The following NUP205 variants were observed in gnomAD, a reference collection of about 807,000 sequenced individuals.
NUP205 encodes the protein nucleoporin 205.
Under a neutral mutation model 253.8 loss-of-function variants are expected in NUP205, and 76 were observed. That is an observed-to-expected ratio of 0.30 (90% CI 0.25 to 0.36). The LOEUF (loss-of-function observed/expected upper bound fraction) is 0.36. NUP205 is among the 10% of genes least tolerant of loss of function. The pLI is 1.00. For missense variants in NUP205, 2,162 were observed against 2,425.5 expected (o/e 0.89, Z 2.28); for synonymous variants, 832 against 850.1 (o/e 0.98, Z 0.37).
At chr7:135,579,825 T>C (rs1408631115) in intron 7 of NUP205, among the ~76,000 whole-genome samples, 1 of 152,118 alleles carries the variant, frequency 6.6e-6, no homozygotes, top group East Asian at 1.9e-4. Context: ...TTTGTATTTT[T>C]AGTAGAAACA....
intron 35 of NUP205, 113 bp downstream of exon 35, chr7:135,630,583 A>G: frequency 1.2e-6 from 1 of 839,432 alleles, no homozygotes; most frequent in Non-Finnish European, 1.7e-6. Flanking sequence ...TGAAATTGGT[A>G]CTGCTAACAG....
At chr7:135,559,398 C>G (rs1805517902) in intron 1 of NUP205, among the ~76,000 whole-genome samples, 1 of 152,172 alleles carries the variant, frequency 6.6e-6, no homozygotes, top group Non-Finnish European at 1.5e-5. Flanking sequence ...GAGTCTTGCT[C>G]TGTCTCCCAG....
At position 135,648,550 on chromosome 7, in the gene NUP205, G is replaced by C; in HGVS notation, c.6033G>C (p.Arg2011Ser). ...RRIRGLLRISRN is the reference protein window; with the variant it reads ...RRIRGLLRISSN Reference sequence around the variant, plus strand: ...TCCGTGGCCTCTTGAGGATATCAAGGAACTGAGAGCCCGTGCTTATGCTCT... The same window carrying C: ...TCCGTGGCCTCTTGAGGATATCAAGCAACTGAGAGCCCGTGCTTATGCTCT... The change falls in exon 43 of 43, where the codon AGG becomes AGC. Residue 2011 changes from arginine (R) to serine (S), a missense_variant. Arg to Ser is a moderately radical substitution (Grantham distance 110, BLOSUM62 -1). Around this residue, in one of 5 missense-constraint regions of NUP205, gnomAD observed 1,144 missense variants for 1,280.9 expected, o/e 0.89. Transcript: ENST00000285968. 1 of 1,553,982 alleles carries C rather than the reference G, an allele frequency of 6.4e-7. No homozygotes were observed. Among genetic ancestry groups the C allele is most frequent in the South Asian group, 1.2e-5 (1 of 80,500 alleles).
At chr7:135,623,124 A>G (rs1233325256) in intron 31 of NUP205, among the ~76,000 whole-genome samples, 199 bp downstream of exon 31, 1 of 151,946 alleles carries the variant, frequency 6.6e-6, no homozygotes, top group Non-Finnish European at 1.5e-5. Flanking sequence ...CAAAAAATAC[A>G]AAAAATTAGC....
intron 2 of NUP205, among the ~76,000 whole-genome samples, chr7:135,572,946 TTTTTTTTTTTC>T (rs1203867101): frequency 2.6e-5 from 4 of 150,944 alleles, no homozygotes; most frequent in Non-Finnish European, 5.9e-5. Context: ...TTTTAGCTTT[TTTTTTTTTTTC>T]TTTTTTTTTC....
chr7:135,567,070 A>C (rs986121156), intron 1 of NUP205, among the ~76,000 whole-genome samples: 3 of 136,352 alleles, frequency 2.2e-5, no homozygotes, highest in Non-Finnish European at 4.6e-5. Flanking sequence ...TGTCAGTCTT[A>C]TCAATTTGTA....
chr7:135,577,906 G>A lies in NUP205; in HGVS notation c.759G>A (p.Leu253=), dbSNP rs1806194234. The A allele has an allele frequency of 6.2e-7, 1 of 1,614,056 alleles. No individual in the cohort carries two copies. Among genetic ancestry groups the A allele is most frequent in the Non-Finnish European group, 8.5e-7 (1 of 1,179,966 alleles). Residue 253 remains leucine, a synonymous_variant, in exon 6 of 43, where the codon TTG becomes TTA. Transcript: ENST00000285968. ...KEDTLLLIGH[L]ERVTVEANGS... is the part of the protein sequence containing the mutation. ...ACACTCTCCTCCTCATTGGACATTT[G>A]GAAAGAGTGACAGTTGAGGCTAATG... is the stretch of plus-strand genomic sequence containing the variant.
At chr7:135,566,818 A>T (rs1245089937) in intron 1 of NUP205, among the ~76,000 whole-genome samples, 1 of 151,774 alleles carries the variant, frequency 6.6e-6, no homozygotes, top group Non-Finnish European at 1.5e-5. Context: ...GCTCACTGCA[A>T]CCTCTGCCTC....
In NUP205 at chr7:135,601,479, G is replaced by A. The variant is rs963731749; in HGVS notation, c.2484G>A (p.Lys828=). ...TCAGTTTACTGGAAGAAGGAGTTAA[G>A]CAGCTTGACACCTATGCCCCCTTTC... The part of the protein sequence containing the change: ...LALSLLEEGV[K]QLDTYAPFPG... Residue 828 remains lysine, a synonymous_variant, in exon 17 of 43, where the codon AAG becomes AAA. Transcript: ENST00000285968. 1.7e-5 allele frequency: 28 copies of A among 1,613,856 alleles called. No homozygotes were observed. Among genetic ancestry groups the A allele is most frequent in the Non-Finnish European group, 2.1e-5 (25 of 1,179,854 alleles).
chr7:135,640,427 T>A (rs1794897640), intron 38 of NUP205, among the ~76,000 whole-genome samples: 1 of 152,186 alleles, frequency 6.6e-6, no homozygotes, highest in Admixed American at 6.5e-5. Flanking sequence ...TAAAGTTGGG[T>A]AACCATCACC....
At chr7:135,606,364 A>G (rs985994300) in intron 20 of NUP205, 138 bp downstream of exon 20, 1 of 646,208 alleles carries the variant, frequency 1.5e-6, no homozygotes, top group African/African-American at 1.8e-5. Flanking sequence ...ACAGGTTGAG[A>G]ATGCAAAATC....
rs772080661 is a variant in NUP205, at chr7:135,617,099, A to G, written c.3542A>G (p.Lys1181Arg). 7.5e-6 allele frequency: 12 copies of G among 1,606,428 alleles called. No homozygotes were observed. The East Asian group carries it at 2.7e-4, about 36-fold the overall frequency. Reference sequence around the variant, plus strand: ...TTTTTATTATTTCTAGTACGTCGAAAAATTCTAAATATTCTTGACTCGATT... The same window carrying G: ...TTTTTATTATTTCTAGTACGTCGAAGAATTCTAAATATTCTTGACTCGATT... ...HFDTATKVRR[K>R]ILNILDSIDF... is the part of the protein sequence containing the mutation. The change falls in exon 26 of 43, where the codon AAA becomes AGA. Residue 1181 changes from lysine (K) to arginine (R), a missense_variant. By Grantham distance (26) the Lys-to-Arg change is conservative. Transcript: ENST00000285968.
chr7:135,604,514 T>C (rs899436895), intron 19 of NUP205, 54 bp downstream of exon 19: 2 of 1,521,434 alleles, frequency 1.3e-6, no homozygotes, highest in African/African-American at 2.8e-5. Context: ...ATTTTGACTA[T>C]ATATGGAAGT....
Position 135,561,736 on chromosome 7 carries a change from C to T in NUP205, c.28+3764C>T, listed in dbSNP as rs2129489418. ...TGTAAATCCCACCCATTGTGTTCTT[C>T]ACCTGTTACCCCTTTTTTTGTCTTG... On this transcript the variant is annotated intron_variant, in intron 1 of 42. Coordinates refer to ENST00000285968, the MANE Select transcript of NUP205 (RefSeq NM_015135.3). Among the ~76,000 whole-genome samples the T allele has an allele frequency of 1.3e-5, 2 of 152,284 alleles. 1 individual carries two copies. Among genetic ancestry groups the T allele is most frequent in the African/African-American group, 4.8e-5 (2 of 41,572 alleles).
intron 22 of NUP205, among the ~76,000 whole-genome samples, chr7:135,612,175 A>G (rs536382615): frequency 2.2e-4 from 34 of 152,340 alleles, no homozygotes; most frequent in African/African-American, 8.2e-4. Flanking sequence ...GTTTATAGTC[A>G]GTTCTCGTTA....
chr7:135,643,420 A>ACTGGT lies in NUP205; in HGVS notation c.5559+64_5559+65insGGTCT, dbSNP rs58552282. The ACTGGT allele has an allele frequency of 0.2, 275,320 of 1,365,098 alleles. 29,881 individuals carry two copies. The highest frequency in any genetic ancestry group is 0.3 in the East Asian group (12,733 of 42,450). The allele number at this position is 1,365,098 out of a possible 1,614,324, so 84.6% of individuals were successfully genotyped here. On this transcript the variant is annotated intron_variant, in intron 39 of 42. Transcript: ENST00000285968. ...ATCATTGCTGTTACTAGGCCAGGGT[A>ACTGGT]CTCAGACTGAGTAAAGACAACGTAT...
rs758351135 is a variant in NUP205, at chr7:135,577,837, A to G, written c.690A>G (p.Glu230=). Reference sequence around the variant, plus strand: ...AGGAGTGCAGGCAGTCTCTTGCAGAAAGCCTTTTTGCCTGGGCTTGCCAGT... The same window carrying G: ...AGGAGTGCAGGCAGTCTCTTGCAGAGAGCCTTTTTGCCTGGGCTTGCCAGT... ...LIKECRQSLA[E]SLFAWACQSP... The change falls in exon 6 of 43, where the codon GAA becomes GAG. Residue 230 remains glutamate, a synonymous_variant. Coordinates refer to ENST00000285968, the MANE Select transcript of NUP205 (RefSeq NM_015135.3). The G allele has an allele frequency of 1.2e-5, 20 of 1,614,052 alleles. No homozygotes were observed. In the African/African-American group the frequency reaches 2.3e-4, roughly 18 times the overall value.
intron 24 of NUP205, 72 bp from the exon 25 acceptor site, chr7:135,616,583 G>A (rs372179364): frequency 2.6e-5 from 23 of 880,646 alleles, no homozygotes; most frequent in East Asian, 1.4e-4. Context: ...CCTTGTGTTT[G>A]TTATTTCCAA....
chr7:135,612,648 C>T (rs766233558), intron 22 of NUP205, among the ~76,000 whole-genome samples: 3 of 152,122 alleles, frequency 2.0e-5, no homozygotes, highest in East Asian at 1.9e-4. Context: ...CATGAGAGTT[C>T]GGTGACTGCA....
Sources: allele counts gnomAD v4.1 joint callset (sites outside exome capture counted in the v4.1 genomes callset), GRCh38; gene constraint gnomAD v4.1.1; regional missense constraint gnomAD v4.1.1; transcripts MANE v1.5; gene names NCBI Gene and HGNC (gene_info 2026-07-23, HGNC 2026-07-21).